Variants in MRPS10 observed in about 807,000 individuals in gnomAD.
MRPS10 encodes mitochondrial ribosomal protein S10, also known as small ribosomal subunit protein uS10m.
Under a neutral mutation model 27.5 loss-of-function variants are expected in MRPS10, and 23 were observed. The observed-to-expected ratio is 0.84, with a 90% CI of 0.60 to 1.18. The LOEUF is 1.18. MRPS10 is among the 50% of genes most tolerant of loss of function. MRPS10 has a pLI of 0.00. For missense variants in MRPS10, 237 were observed against 240.1 expected, an observed-to-expected ratio of 0.99 and a Z score of 0.09; for synonymous variants, 88 against 84.2, an observed-to-expected ratio of 1.04 and a Z score of -0.25.
At chr6:42,214,952 C>T (rs1414822797) in intron 1 of MRPS10, among the ~76,000 whole-genome samples, 1 of 152,170 alleles carries the variant, frequency 6.6e-6, no homozygotes, top group African/African-American at 2.4e-5. Context: ...ATCAGCTCCC[C>T]CTGGTGGAAC....
At chr6:42,214,793 G>GCTTTCATACAT (rs2113866029) in intron 1 of MRPS10, among the ~76,000 whole-genome samples, 1 of 152,214 alleles carries the variant, frequency 6.6e-6, no homozygotes, top group South Asian at 2.1e-4. Flanking sequence ...CTCTTTTGAT[G>GCTTTCATACAT]CTTTCATACA....
At chr6:42,208,999 G>GT (rs375700314) in intron 5 of MRPS10, 52 bp from the exon 6 acceptor site, 109,831 of 1,043,896 alleles carry the variant, frequency 0.11, 8,706 homozygotes, top group African/African-American at 0.47. Context: ...TTAAAGCACG[G>GT]TTTTTTGTTT....
At chr6:42,210,739 A>G in intron 4 of MRPS10, 143 bp from the exon 5 acceptor site, 1 of 1,217,908 alleles carries the variant, frequency 8.2e-7, no homozygotes, top group Non-Finnish European at 1.1e-6. Context: ...CATCTGGAAC[A>G]ACAACTGCTA....
intron 1 of MRPS10, among the ~76,000 whole-genome samples, chr6:42,216,003 T>C (rs1476278501): frequency 6.9e-6 from 1 of 143,966 alleles, no homozygotes; most frequent in Non-Finnish European, 1.5e-5. Flanking sequence ...CCTCTGCTTT[T>C]TCTTTTCTTT....
At position 42,211,871 on chromosome 6, in the gene MRPS10, A is replaced by G. The variant is rs1384963941; in HGVS notation, c.233T>C (p.Val78Ala). The G allele has an allele frequency of 6.2e-7, 1 of 1,613,854 alleles. No homozygotes were observed. The highest frequency in any genetic ancestry group is 8.5e-7 in the Non-Finnish European group (1 of 1,179,948). ...AGCCTTATCGTGACCTTTCACCAAA[A>G]CCGAGAGGCGCTTATATAATATGTC... ...EPDILYKRLS[V>A]LVKGHDKAVL... is the part of the protein sequence containing the mutation. The change falls in exon 4 of 7, where the codon GTT becomes GCT. Residue 78 changes from valine (V) to alanine (A), a missense_variant. Transcript: ENST00000053468.
chr6:42,208,182 A>T lies in MRPS10; in HGVS notation c.*107T>A, dbSNP rs979605498. ...TGAGGGCACGAGAACTCAATGGAGCAGTTAGGGCAGACTCAAATCATCTCA... is the reference window on the plus strand; with the variant it reads ...TGAGGGCACGAGAACTCAATGGAGCTGTTAGGGCAGACTCAAATCATCTCA... On this transcript the variant is annotated 3_prime_UTR_variant, in exon 7 of 7. Transcript: ENST00000053468. 36 of 839,494 alleles carry T rather than the reference A, an allele frequency of 4.3e-5. No homozygotes were observed. The African/African-American group carries it at 5.6e-4, about 13-fold the overall frequency. 52.0% of individuals were successfully genotyped at this position (839,494 alleles called of 1,614,324 possible). A position where few individuals can be genotyped will look rare whatever the true frequency, so the allele number is the denominator to read the frequency against.
At chr6:42,209,617 G>A (rs552836335) in intron 5 of MRPS10, among the ~76,000 whole-genome samples, 2 of 151,684 alleles carry the variant, frequency 1.3e-5, no homozygotes, top group Non-Finnish European at 2.9e-5. Context: ...GCGCGGTGGC[G>A]TACACCTGTA....
At chr6:42,216,010 C>CT (rs1263227238) in intron 1 of MRPS10, among the ~76,000 whole-genome samples, 4 of 129,136 alleles carry the variant, frequency 3.1e-5, no homozygotes, top group Non-Finnish European at 4.9e-5. Context: ...TTTTTCTTTT[C>CT]TTTTTTTTTT....
rs148986467 is a variant in MRPS10 at position 42,214,342 on chromosome 6, T to A, written c.51A>T (p.Gly17=). The change falls in exon 2 of 7, where the codon GGA becomes GGT. Residue 17 remains glycine, a splice_region_variant and synonymous_variant. Transcript: ENST00000053468. The stretch of plus-strand genomic sequence containing the variant: ...AAGTGTTTACAGAAAAATTCCCCAA[T>A]CCCTAAAGAAAAAAAAAGTAGGACA... ...FGAVCRRLWQ[G]LGNFSVNTSK... The A allele has an allele frequency of 2.5e-6, 4 of 1,599,752 alleles. No individual in the cohort carries two copies. Among genetic ancestry groups the A allele is most frequent in the Non-Finnish European group, 3.4e-6 (4 of 1,171,950 alleles).
rs1768659292 is a variant in MRPS10 at position 42,208,121 on chromosome 6, T to C, written c.*168A>G. On this transcript the variant is annotated 3_prime_UTR_variant, in exon 7 of 7. Coordinates refer to ENST00000053468, the MANE Select transcript of MRPS10 (RefSeq NM_018141.4). ...AATAAAAAGAATAGATAAAAGTGGT[T>C]CTTCCATTAAAGTTCCATTCCCTGC... The C allele has an allele frequency of 1.6e-6, 1 of 632,414 alleles. No individual in the cohort carries two copies. The highest frequency in any genetic ancestry group is 2.9e-5 in the East Asian group (1 of 34,250). The allele number at this position is 632,414 out of a possible 1,614,324, so 39.2% of individuals were successfully genotyped here. A position where few individuals can be genotyped will look rare whatever the true frequency, so the allele number is the denominator to read the frequency against.
intron 3 of MRPS10, 45 bp downstream of exon 3, chr6:42,214,075 T>G (rs762997554): frequency 6.8e-7 from 1 of 1,477,704 alleles, no homozygotes; most frequent in South Asian, 1.2e-5. Flanking sequence ...AAGGAAAACC[T>G]ATTGCCAAGG....
chr6:42,210,312 C>T (rs1020766908), intron 5 of MRPS10, among the ~76,000 whole-genome samples, 176 bp downstream of exon 5: 15 of 150,520 alleles, frequency 1.0e-4, no homozygotes, highest in African/African-American at 3.7e-4. Context: ...GCTTTATTTG[C>T]ATTTACTTTT....
chr6:42,211,719 T>A, intron 4 of MRPS10, 62 bp downstream of exon 4: 4 of 1,365,286 alleles, frequency 2.9e-6, no homozygotes, highest in Non-Finnish European at 4.0e-6. Context: ...GGATGAGCAC[T>A]ATTTTCCTGG....
chr6:42,208,766 G>A (rs1329737659), intron 6 of MRPS10, 92 bp downstream of exon 6: 1 of 881,348 alleles, frequency 1.1e-6, no homozygotes, highest in Non-Finnish European at 1.8e-6. Context: ...ACTCTACTCA[G>A]TGGGCCAGGA....
intron 6 of MRPS10, 58 bp downstream of exon 6, chr6:42,208,800 A>G: frequency 8.3e-7 from 1 of 1,207,430 alleles, no homozygotes; most frequent in Non-Finnish European, 1.2e-6. Flanking sequence ...TATCAAAACA[A>G]CAATACAGAT....
chr6:42,216,359 T>TGAGAGAGA (rs373981686), intron 1 of MRPS10, among the ~76,000 whole-genome samples: 1,078 of 58,122 alleles, frequency 0.019, 37 homozygotes, highest in Non-Finnish European at 0.025. Context: ...TTGTATTTCT[T>TGAGAGAGA]GAGAGAGAGA....
intron 1 of MRPS10, among the ~76,000 whole-genome samples, chr6:42,216,212 C>T (rs989101426): frequency 1.8e-4 from 27 of 151,236 alleles, no homozygotes; most frequent in African/African-American, 5.8e-4. Flanking sequence ...TTAGTAGAGA[C>T]GGAGTTTTGC....
intron 1 of MRPS10, among the ~76,000 whole-genome samples, chr6:42,216,092 C>T (rs1395211007): frequency 6.3e-5 from 9 of 142,594 alleles, no homozygotes; most frequent in South Asian, 2.2e-4. Flanking sequence ...GGAGCATTCT[C>T]AGCTCACTGA....
chr6:42,212,255 A>G (rs1768801512), intron 3 of MRPS10, among the ~76,000 whole-genome samples: 1 of 152,230 alleles, frequency 6.6e-6, no homozygotes, highest in African/African-American at 2.4e-5. Context: ...TGGGCAGAAG[A>G]CTTGGATTGA....
Sources: allele counts gnomAD v4.1 joint callset (sites outside exome capture counted in the v4.1 genomes callset), GRCh38; gene constraint gnomAD v4.1.1; transcripts MANE v1.5; gene names NCBI Gene and HGNC (gene_info 2026-07-23, HGNC 2026-07-21).